The following B3GAT2 variants were observed in gnomAD, a reference collection of about 807,000 sequenced individuals.
B3GAT2 encodes beta-1,3-glucuronyltransferase 2.
In B3GAT2, 26 loss-of-function variants were observed where a neutral mutation model predicts 27.8. That is an observed-to-expected ratio of 0.93 (90% CI 0.68 to 1.30). The LOEUF is 1.30. Among genes scored for constraint, B3GAT2 ranks in the 50% most tolerant of loss-of-function variants. The probability of loss-of-function intolerance (pLI) is 0.00; values close to 1 mark genes in which losing one functional copy is unlikely to be tolerated. For missense variants in B3GAT2, 458 were observed against 459.0 expected (o/e 1.00, Z 0.02); for synonymous variants, 218 against 195.1 (o/e 1.12, Z -0.98).
rs1325099197 is a variant in B3GAT2, at chr6:70,910,872, C to T, written c.592-16600G>A. Among the ~76,000 whole-genome samples the T allele has an allele frequency of 3.9e-5, 6 of 152,178 alleles. No homozygotes were observed. The East Asian group carries it at 1.2e-3, about 29-fold the overall frequency. On this transcript the variant is annotated intron_variant, in intron 1 of 3. Coordinates refer to ENST00000230053, the MANE Select transcript of B3GAT2 (RefSeq NM_080742.3). ...AACTTTTTAATAATACCCATTCTGA[C>T]TGGTGTGAGATGGTATCTCACTGTG...
intron 1 of B3GAT2, among the ~76,000 whole-genome samples, chr6:70,924,211 CA>C (rs1772917375): frequency 6.6e-6 from 1 of 152,004 alleles, no homozygotes; most frequent in Admixed American, 6.6e-5. Context: ...ACCAAGGAGG[CA>C]AAAACCATAT....
intron 1 of B3GAT2, among the ~76,000 whole-genome samples, chr6:70,950,225 TAAAG>T (rs1765557464): frequency 6.8e-6 from 1 of 146,600 alleles, no homozygotes; most frequent in South Asian, 2.2e-4. Flanking sequence ...TAAAATAAAA[TAAAG>T]AAATATCCAG....
intron 1 of B3GAT2, among the ~76,000 whole-genome samples, chr6:70,931,188 T>C (rs994969617): frequency 5.9e-5 from 9 of 151,598 alleles, no homozygotes; most frequent in East Asian, 5.8e-4. Flanking sequence ...CTGTAGTGGG[T>C]TGGGGGGAGG....
intron 1 of B3GAT2, among the ~76,000 whole-genome samples, chr6:70,925,098 G>A (rs981063173): frequency 6.6e-5 from 10 of 152,236 alleles, no homozygotes; most frequent in East Asian, 3.9e-4. Flanking sequence ...TGATTGCACC[G>A]CCAACCAATC....
At position 70,857,593 on chromosome 6, in the gene B3GAT2, GA is replaced by G. The variant is rs1315515564; in HGVS notation, c.*4069del. ...CTCACTTCCCTGTTTCGTACTGGGG[GA>G]CCAGTGGTACAAATCAGCAATAAAA... On this transcript the variant is annotated 3_prime_UTR_variant, in exon 4 of 4. Transcript: ENST00000230053. 3.8e-6 allele frequency: 1 copy of G among 265,866 alleles called. No homozygotes were observed. The highest frequency in any genetic ancestry group is 7.2e-6 in the Non-Finnish European group (1 of 138,678). 16.5% of individuals were successfully genotyped at this position (265,866 alleles called of 1,614,324 possible).
intron 2 of B3GAT2, among the ~76,000 whole-genome samples, chr6:70,882,349 A>G (rs572208533): frequency 6.6e-6 from 1 of 152,112 alleles, no homozygotes; most frequent in Admixed American, 6.5e-5. Context: ...AAAATACAAA[A>G]AATTAGCTGG....
chr6:70,921,571 T>C (rs1772871721), intron 1 of B3GAT2, among the ~76,000 whole-genome samples: 1 of 152,214 alleles, frequency 6.6e-6, no homozygotes. Context: ...TGATCTTTTT[T>C]CTATCCAGAT....
Position 70,884,108 on chromosome 6 carries a change from AAAAAAC to A in B3GAT2, c.736+10014_736+10019del, listed in dbSNP as rs1423951901. 3.4e-3 allele frequency among the ~76,000 whole-genome samples: 489 copies of A among 144,350 alleles called. 3 individuals are homozygous for A. The highest frequency in any genetic ancestry group is 0.012 in the African/African-American group (471 of 37,918). The allele number at this position is 144,350 out of a possible 152,430, so 94.7% of individuals were successfully genotyped here. ...CACCTCAAGACTCAAAAAAAAAAAA[AAAAAAC>A]AAAAAAAACCCGCAACCACACAAAT... is the stretch of plus-strand genomic sequence containing the variant. On this transcript the variant is annotated intron_variant, in intron 2 of 3. Transcript: ENST00000230053.
chr6:70,952,822 T>G (rs1312189932), intron 1 of B3GAT2, among the ~76,000 whole-genome samples: 1 of 152,234 alleles, frequency 6.6e-6, no homozygotes, highest in Non-Finnish European at 1.5e-5. Context: ...TTCCTGGCAA[T>G]GCAGATCAGT....
chr6:70,897,321 A>G (rs1171737160), intron 1 of B3GAT2, among the ~76,000 whole-genome samples: 2 of 152,184 alleles, frequency 1.3e-5, no homozygotes, highest in Non-Finnish European at 2.9e-5. Flanking sequence ...ATTTTCTCCC[A>G]CTCCGTGGCT....
At chr6:70,920,722 T>C (rs1772855342) in intron 1 of B3GAT2, among the ~76,000 whole-genome samples, 1 of 152,244 alleles carries the variant, frequency 6.6e-6, no homozygotes, top group African/African-American at 2.4e-5. Flanking sequence ...AATTGCTTTA[T>C]AGTGTTCAGA....
At chr6:70,947,849 C>T (rs999911152) in intron 1 of B3GAT2, among the ~76,000 whole-genome samples, 6 of 152,062 alleles carry the variant, frequency 3.9e-5, no homozygotes, top group South Asian at 2.1e-4. Context: ...ACTAGCAAAC[C>T]GAATCCAGCA....
At chr6:70,902,637 T>TATATATATATATATATATATATAC in intron 1 of B3GAT2, among the ~76,000 whole-genome samples, 1 of 133,472 alleles carries the variant, frequency 7.5e-6, no homozygotes, top group East Asian at 2.4e-4. Context: ...TATATATATA[T>TATATATATATATATATATATATAC]ACACACACAC....
At chr6:70,906,425 C>T (rs1449478326) in intron 1 of B3GAT2, among the ~76,000 whole-genome samples, 1 of 152,244 alleles carries the variant, frequency 6.6e-6, no homozygotes, top group Admixed American at 6.5e-5. Context: ...CAAGCTTGAC[C>T]TCCTCCTGGG....
chr6:70,955,847 AG>A lies in B3GAT2; in HGVS notation c.582del (p.Phe195SerfsTer55). ...ADDDNTYSLELFQEMRTTRKV... is the reference protein window; with the variant it reads ...ADDDNTYSLEXFQEMRTTRKV... ...GGCAGGCTGGCCTTTACCTCCTGGA[AG>A]AGCTCCAGACTATAGGTGTTGTCGT... On this transcript the variant is annotated frameshift_variant, in exon 1 of 4. Transcript: ENST00000230053. LOFTEE classifies it high-confidence loss of function. 6.3e-7 allele frequency: 1 copy of A among 1,597,430 alleles called. No individual in the cohort carries two copies. Among genetic ancestry groups the A allele is most frequent in the Non-Finnish European group, 8.5e-7 (1 of 1,172,966 alleles).
chr6:70,956,955 G>C lies in B3GAT2; in HGVS notation c.-526C>G. The C allele has an allele frequency of 9.9e-7, 1 of 1,011,640 alleles. No individual in the cohort carries two copies. The highest frequency in any genetic ancestry group is 4.1e-5 in the South Asian group (1 of 24,636). 62.7% of individuals were successfully genotyped at this position (1,011,640 alleles called of 1,614,324 possible). A position where few individuals can be genotyped will look rare whatever the true frequency, so the allele number is the denominator to read the frequency against. The stretch of plus-strand genomic sequence containing the variant: ...TTCCCGCCGGGGTGGCGAGGAGCGG[G>C]TGGAGACGCTGGGGGTTGTGTCCCG... On this transcript the variant is annotated 5_prime_UTR_variant, in exon 1 of 4. Transcript: ENST00000230053.
Position 70,857,170 on chromosome 6 carries a change from C to A in B3GAT2, c.*4493G>T. 6.7e-6 allele frequency: 5 copies of A among 747,654 alleles called. No individual in the cohort carries two copies. Among genetic ancestry groups the A allele is most frequent in the East Asian group, 3.1e-5 (1 of 32,700 alleles). The allele number at this position is 747,654 out of a possible 1,614,324, so 46.3% of individuals were successfully genotyped here. A position where few individuals can be genotyped will look rare whatever the true frequency, so the allele number is the denominator to read the frequency against. ...GTTGCAGTTTATACAACTATGAAGCCGAAATGAATGAGCATTAGAATTAAA... is the reference window on the plus strand; with the variant it reads ...GTTGCAGTTTATACAACTATGAAGCAGAAATGAATGAGCATTAGAATTAAA... On this transcript the variant is annotated 3_prime_UTR_variant, in exon 4 of 4. Transcript: ENST00000230053.
At chr6:70,912,010 T>G (rs1339614332) in intron 1 of B3GAT2, among the ~76,000 whole-genome samples, 2 of 152,226 alleles carry the variant, frequency 1.3e-5, no homozygotes, top group Non-Finnish European at 2.9e-5. Context: ...CACTGCAACT[T>G]TGCTGAAGTT....
At chr6:70,929,497 A>C (rs1263100072) in intron 1 of B3GAT2, among the ~76,000 whole-genome samples, 1 of 152,222 alleles carries the variant, frequency 6.6e-6, no homozygotes, top group African/African-American at 2.4e-5. Context: ...CAACTTCAGC[A>C]AAGTCTCAGG....
Sources: gnomAD v4.1 joint callset for allele counts (sites outside exome capture counted in the v4.1 genomes callset) on GRCh38, gnomAD v4.1.1 for gene constraint, MANE v1.5 for transcripts, NCBI Gene and HGNC (gene_info 2026-07-23, HGNC 2026-07-21) for gene names.